PAK1IP1: variants seen among roughly 807,000 people sequenced by gnomAD.
PAK1IP1 encodes the protein PAK1 interacting protein 1, also known as p21-activated protein kinase-interacting protein 1.
In PAK1IP1, 24 loss-of-function variants were observed where a neutral mutation model predicts 42.0. That is an observed-to-expected ratio of 0.57 (90% CI 0.41 to 0.80). The LOEUF is 0.80. Ranked by LOEUF, PAK1IP1 falls within the 30% of genes least tolerant of loss-of-function variation. The probability of loss-of-function intolerance (pLI) is 0.00; values close to 1 mark genes in which losing one functional copy is unlikely to be tolerated. For synonymous variants in PAK1IP1, 154 were observed against 156.7 expected (o/e 0.98, Z 0.13); for missense variants, 411 against 467.9 (o/e 0.88, Z 1.12).
chr6:10,704,556 C>T lies in PAK1IP1; in HGVS notation c.546C>T (p.Ile182=), dbSNP rs747003944. Residue 182 remains isoleucine, a synonymous_variant, in exon 6 of 10, where the codon ATC becomes ATT. Transcript: ENST00000379568. The part of the protein sequence containing the change: ...WSPRGEQYVV[I]IQNKIDIYQL... Reference sequence around the variant, plus strand: ...CAAGAGGAGAGCAGTATGTAGTTATCATACAGAATAAAATAGACATCTATC... The same window carrying T: ...CAAGAGGAGAGCAGTATGTAGTTATTATACAGAATAAAATAGACATCTATC... The T allele has an allele frequency of 1.3e-6, 2 of 1,598,614 alleles. No individual in the cohort carries two copies. Among genetic ancestry groups the T allele is most frequent in the African/African-American group, 2.7e-5 (2 of 74,762 alleles).
upstream of PAK1IP1, among the ~76,000 whole-genome samples, chr6:10,691,491 C>G (rs143100608): frequency 5.8e-3 from 884 of 152,190 alleles, 8 homozygotes; most frequent in African/African-American, 0.02. Flanking sequence ...TACAATGTCT[C>G]TAATCTACAG....
At chr6:10,696,156 G>A (rs1206151359) in intron 1 of PAK1IP1, among the ~76,000 whole-genome samples, 1 of 152,134 alleles carries the variant, frequency 6.6e-6, no homozygotes, top group Non-Finnish European at 1.5e-5. Context: ...AATGTCAGGA[G>A]CCCCCGAGGG....
At position 10,704,671 on chromosome 6, in the gene PAK1IP1, T is replaced by C. The variant is rs746962301; in HGVS notation, c.642+19T>C. On this transcript the variant is annotated intron_variant, in intron 6 of 9. Coordinates refer to ENST00000379568, the MANE Select transcript of PAK1IP1 (RefSeq NM_017906.3). ...TCTTTCAGTAAGTAATCAGAAATCA[T>C]TGACCAAAGTTTGTGGTGATGGTTG... 3 of 1,610,852 alleles carry C rather than the reference T, an allele frequency of 1.9e-6. No individual in the cohort carries two copies. The highest frequency in any genetic ancestry group is 2.5e-6 in the Non-Finnish European group (3 of 1,177,286).
upstream of PAK1IP1, among the ~76,000 whole-genome samples, chr6:10,691,430 G>C (rs958845928): frequency 1.3e-5 from 2 of 152,070 alleles, no homozygotes; most frequent in Non-Finnish European, 2.9e-5. Flanking sequence ...TGCATGCACC[G>C]GTAATTAGAA....
At chr6:10,701,484 A>T (rs1029424027) in intron 2 of PAK1IP1, among the ~76,000 whole-genome samples, 1 of 152,206 alleles carries the variant, frequency 6.6e-6, no homozygotes, top group Non-Finnish European at 1.5e-5. Flanking sequence ...GGGTGCATAA[A>T]TCCTATTTTT....
chr6:10,697,634 A>C, intron 2 of PAK1IP1, 148 bp downstream of exon 2: 1 of 621,854 alleles, frequency 1.6e-6, no homozygotes, highest in Non-Finnish European at 2.7e-6. Flanking sequence ...TTAGCCTGGC[A>C]CAATGGCTCA....
upstream of PAK1IP1, among the ~76,000 whole-genome samples, chr6:10,691,275 G>A (rs140725338): frequency 1.2e-3 from 177 of 152,242 alleles, no homozygotes; most frequent in African/African-American, 3.9e-3. Flanking sequence ...TTATTCGGCC[G>A]GGATCTTCGG....
chr6:10,693,958 A>G (rs140691789), upstream of PAK1IP1, among the ~76,000 whole-genome samples: 77 of 152,024 alleles, frequency 5.1e-4, no homozygotes, highest in African/African-American at 1.7e-3. Flanking sequence ...TGTTTTCCCA[A>G]CTCTCAAATG....
At chr6:10,701,263 G>C (rs1031523806) in intron 2 of PAK1IP1, among the ~76,000 whole-genome samples, 1 of 152,058 alleles carries the variant, frequency 6.6e-6, no homozygotes, top group Admixed American at 6.6e-5. Flanking sequence ...TTTCAGTAGA[G>C]ACGGGGTTTC....
chr6:10,696,024 C>T (rs1769823974), intron 1 of PAK1IP1, among the ~76,000 whole-genome samples: 1 of 152,008 alleles, frequency 6.6e-6, no homozygotes, highest in Non-Finnish European at 1.5e-5. Context: ...GTCCTCACAG[C>T]AACCCTCTGA....
intron 2 of PAK1IP1, among the ~76,000 whole-genome samples, chr6:10,699,395 C>T (rs957893833): frequency 7.9e-5 from 12 of 151,920 alleles, no homozygotes; most frequent in African/African-American, 2.7e-4. Context: ...TATGTGGTAA[C>T]GATGCCCAGG....
At chr6:10,694,260 C>CAAA (rs57435593), upstream of PAK1IP1, among the ~76,000 whole-genome samples, 6 of 62,464 alleles carry the variant, frequency 9.6e-5, no homozygotes, top group Admixed American at 1.8e-4. Flanking sequence ...AACTCCGTCT[C>CAAA]AAAAAAAAAA....
At chr6:10,697,890 C>CA (rs766236291) in intron 2 of PAK1IP1, among the ~76,000 whole-genome samples, 987 of 88,160 alleles carry the variant, frequency 0.011, 8 homozygotes, top group Admixed American at 0.044. Context: ...GACTCTGTCT[C>CA]AAAAAAAAAA....
intron 4 of PAK1IP1, among the ~76,000 whole-genome samples, chr6:10,703,038 C>A (rs1770084078): frequency 6.6e-6 from 1 of 152,082 alleles, no homozygotes; most frequent in African/African-American, 2.4e-5. Flanking sequence ...ATCTCCTGAC[C>A]TCATGATCCG....
chr6:10,706,145 G>A (rs187912305), intron 7 of PAK1IP1, among the ~76,000 whole-genome samples: 3 of 152,192 alleles, frequency 2.0e-5, no homozygotes, highest in African/African-American at 7.2e-5. Flanking sequence ...GAAAAGTAGA[G>A]TGATTAAAGA....
chr6:10,693,101 CG>C (rs1439870770), upstream of PAK1IP1, among the ~76,000 whole-genome samples: 2 of 152,182 alleles, frequency 1.3e-5, no homozygotes, highest in Non-Finnish European at 2.9e-5. Context: ...TATGTAACTG[CG>C]GGACATGCTC....
intron 2 of PAK1IP1, among the ~76,000 whole-genome samples, chr6:10,700,504 G>A (rs1013154958): frequency 5.9e-5 from 9 of 152,170 alleles, no homozygotes; most frequent in Non-Finnish European, 8.8e-5. Flanking sequence ...AATTTTGGGG[G>A]ACACTTTCAC....
At chr6:10,703,220 T>A (rs1439602006) in intron 4 of PAK1IP1, among the ~76,000 whole-genome samples, 185 bp from the exon 5 acceptor site, 1 of 152,134 alleles carries the variant, frequency 6.6e-6, no homozygotes, top group South Asian at 2.1e-4. Flanking sequence ...TAAAGGGATA[T>A]GGGAATGAAG....
chr6:10,700,689 C>T (rs76251759), intron 2 of PAK1IP1, among the ~76,000 whole-genome samples: 1,995 of 152,236 alleles, frequency 0.013, 16 homozygotes, highest in Non-Finnish European at 0.02. Context: ...TCTGCCCAAA[C>T]CCATTAGTAC....
Sources: gnomAD v4.1 joint callset for allele counts (sites outside exome capture counted in the v4.1 genomes callset) on GRCh38, gnomAD v4.1.1 for gene constraint, MANE v1.5 for transcripts, NCBI Gene and HGNC (gene_info 2026-07-23, HGNC 2026-07-21) for gene names.